The following POC5 variants were observed in gnomAD, a reference collection of about 807,000 sequenced individuals.
The protein encoded by POC5 is POC5 centriolar protein.
A neutral mutation model predicts 62.9 loss-of-function variants in POC5; 48 were observed. The observed-to-expected ratio is 0.76, with a 90% confidence interval of 0.61 to 0.97. The LOEUF (loss-of-function observed/expected upper bound fraction) is 0.97. Among genes scored for constraint, POC5 ranks in the 50% least tolerant of loss-of-function variants. The pLI is 0.00. For missense variants in POC5, 696 were observed against 679.5 expected (o/e 1.02, Z -0.27); for synonymous variants, 236 against 228.2 (o/e 1.03, Z -0.31).
At chr5:75,711,468 G>C (rs1777340502) in intron 2 of POC5, among the ~76,000 whole-genome samples, 1 of 152,146 alleles carries the variant, frequency 6.6e-6, no homozygotes, top group Non-Finnish European at 1.5e-5. Context: ...CATAAAAAGA[G>C]AGTAACAAAA....
chr5:75,698,346 A>G (rs1776703767), intron 5 of POC5, among the ~76,000 whole-genome samples: 1 of 152,000 alleles, frequency 6.6e-6, no homozygotes, highest in Non-Finnish European at 1.5e-5. Context: ...AATGTAAAAG[A>G]ACAGAAATTA....
rs1415222069 is a variant in POC5, at chr5:75,699,935, G to C, written c.513+2670C>G. 2.5e-3 allele frequency among the ~76,000 whole-genome samples: 386 copies of C among 151,952 alleles called. 1 individual carries two copies. Among genetic ancestry groups the C allele is most frequent in the African/African-American group, 8.7e-3 (361 of 41,480 alleles). ...CTTATACATCAACAACAGACAAACAGAGAGCCAAATCATGAGTGAACTCCC... is the reference window on the plus strand; with the variant it reads ...CTTATACATCAACAACAGACAAACACAGAGCCAAATCATGAGTGAACTCCC... On this transcript the variant is annotated intron_variant, in intron 5 of 11. Coordinates refer to ENST00000428202, the MANE Select transcript of POC5 (RefSeq NM_001099271.2).
intron 11 of POC5, among the ~76,000 whole-genome samples, chr5:75,675,997 A>T (rs982506050): frequency 5.9e-5 from 9 of 152,256 alleles, no homozygotes; most frequent in Non-Finnish European, 8.8e-5. Flanking sequence ...TAATCCAGGC[A>T]GCTGATGGCT....
intron 5 of POC5, among the ~76,000 whole-genome samples, chr5:75,701,626 T>C (rs1461525501): frequency 4.1e-5 from 6 of 147,414 alleles, no homozygotes; most frequent in East Asian, 2.1e-4. Context: ...TGCTAGATGA[T>C]GAGTTAGTGG....
intron 4 of POC5, 51 bp from the exon 5 acceptor site, chr5:75,702,861 G>A: frequency 9.2e-6 from 13 of 1,409,636 alleles, no homozygotes; most frequent in Non-Finnish European, 1.3e-5. Flanking sequence ...AATAACTCAA[G>A]TTGGTAAGGA....
At chr5:75,695,707 A>G (rs1179046614) in intron 5 of POC5, among the ~76,000 whole-genome samples, 4 of 152,124 alleles carry the variant, frequency 2.6e-5, no homozygotes, top group Non-Finnish European at 4.4e-5. Context: ...GTGGGGGAGG[A>G]GCCAAGATGG....
intron 4 of POC5, chr5:75,705,209 T>TA (rs113563564): frequency 0.051 from 7,770 of 151,636 alleles, 659 homozygotes; most frequent in African/African-American, 0.17. Context: ...CCAAACAAAA[T>TA]TAAAAAAATA....
At chr5:75,704,135 T>C (rs999288064) in intron 4 of POC5, among the ~76,000 whole-genome samples, 19 of 138,846 alleles carry the variant, frequency 1.4e-4, no homozygotes, top group African/African-American at 4.9e-4. Flanking sequence ...GCCTGGGTGA[T>C]AGAGCGAGAC....
chr5:75,697,587 C>G (rs1161136079), intron 5 of POC5, among the ~76,000 whole-genome samples: 3 of 151,998 alleles, frequency 2.0e-5, no homozygotes, highest in African/African-American at 7.2e-5. Context: ...ACCGGTAACA[C>G]CCACTGCAAA....
At chr5:75,680,897 T>G (rs578066777) in intron 10 of POC5, among the ~76,000 whole-genome samples, 9 of 152,252 alleles carry the variant, frequency 5.9e-5, no homozygotes, top group African/African-American at 1.7e-4. Flanking sequence ...TAATACATAT[T>G]TATGTTTTAG....
rs1210797615 is a variant in POC5 at position 75,699,118 on chromosome 5, C to T, written c.513+3487G>A. The stretch of plus-strand genomic sequence containing the variant: ...AAGAGTCCAGGACCAGATGGATTCA[C>T]AGCTGAATTCTACCAGAGGTACAAG... On this transcript the variant is annotated intron_variant, in intron 5 of 11. Coordinates refer to ENST00000428202, the MANE Select transcript of POC5 (RefSeq NM_001099271.2). 3.3e-5 allele frequency among the ~76,000 whole-genome samples: 5 copies of T among 152,294 alleles called. No homozygotes were observed. The South Asian group carries it at 8.3e-4, about 25-fold the overall frequency.
In POC5 at chr5:75,685,419, C is replaced by G. The variant is rs1776062691; in HGVS notation, c.1195G>C (p.Ala399Pro). The change falls in exon 10 of 12, where the codon GCT (alanine) becomes CCT (proline). Residue 399 changes from alanine to proline, a missense_variant. Physicochemically the swap from Ala to Pro is conservative, Grantham distance 27. Transcript: ENST00000428202. ...GGAGGAGCTGAAGGATCCAAATGAG[C>G]AGAATGTTCTTTTCCTTGAACACCA... is the stretch of plus-strand genomic sequence containing the variant. ...GPGVQGKEHS[A>P]HLDPSAPPMP... 6.2e-7 allele frequency: 1 copy of G among 1,613,730 alleles called. No homozygotes were observed. Among genetic ancestry groups the G allele is most frequent in the Non-Finnish European group, 8.5e-7 (1 of 1,179,822 alleles).
intron 11 of POC5, 194 bp downstream of exon 11, chr5:75,677,580 C>T (rs16872760): frequency 1.2e-5 from 4 of 345,490 alleles, no homozygotes; most frequent in Middle Eastern, 7.6e-4. Context: ...ACAGCAGAAA[C>T]GTAGATTTAT....
chr5:75,707,811 T>C lies in POC5; in HGVS notation c.149A>G (p.Gln50Arg). 6.3e-7 allele frequency: 1 copy of C among 1,584,818 alleles called. No homozygotes were observed. The highest frequency in any genetic ancestry group is 8.6e-7 in the Non-Finnish European group (1 of 1,161,812). ...CAATTCTCCCTTAGGATGAGATGAC[T>C]GTGAAGCACAGGGTTCAATATTTGG... ...VTPNIEPCASQSSHPKGELVP... is the reference protein window; with the variant it reads ...VTPNIEPCASRSSHPKGELVP... The change falls in exon 3 of 12, where the codon CAG (glutamine) becomes CGG (arginine). Residue 50 changes from glutamine to arginine, a missense_variant. Physicochemically the swap from Gln to Arg is conservative, Grantham distance 43. Transcript: ENST00000428202.
At chr5:75,678,432 T>C (rs1775756054) in intron 10 of POC5, among the ~76,000 whole-genome samples, 1 of 152,080 alleles carries the variant, frequency 6.6e-6, no homozygotes, top group Non-Finnish European at 1.5e-5. Context: ...CACGAAGATC[T>C]CCCTCGTGCC....
intron 10 of POC5, among the ~76,000 whole-genome samples, chr5:75,683,245 T>G (rs1775939355): frequency 6.6e-6 from 1 of 151,828 alleles, no homozygotes; most frequent in South Asian, 2.1e-4. Flanking sequence ...TGTTGTTTTT[T>G]TTTTTTTTTG....
At chr5:75,694,619 T>C in intron 6 of POC5, 36 bp downstream of exon 6, 2 of 1,380,064 alleles carry the variant, frequency 1.4e-6, no homozygotes, top group South Asian at 1.5e-5. Context: ...AGACATTTAC[T>C]GAATCTCAGT....
intron 2 of POC5, among the ~76,000 whole-genome samples, chr5:75,708,890 T>C (rs1364286419): frequency 1.3e-5 from 2 of 152,176 alleles, no homozygotes; most frequent in Non-Finnish European, 2.9e-5. Context: ...TGGAGTGCAG[T>C]GGCATGGTCT....
At chr5:75,689,526 AAAAAT>A (rs58994022) in intron 8 of POC5, 31 of 978,654 alleles carry the variant, frequency 3.2e-5, no homozygotes, top group African/African-American at 1.6e-4. Flanking sequence ...CCTTTCAGAA[AAAAAT>A]AAAATAAACT....
Sources: gnomAD v4.1 joint callset for allele counts (sites outside exome capture counted in the v4.1 genomes callset) on GRCh38, gnomAD v4.1.1 for gene constraint, MANE v1.5 for transcripts, NCBI Gene and HGNC (gene_info 2026-07-23, HGNC 2026-07-21) for gene names.